Variants in AP3B1 observed in about 807,000 individuals in gnomAD.
AP3B1 encodes AP-3 complex subunit beta-1.
Under a neutral mutation model 132.5 loss-of-function variants are expected in AP3B1, and 61 were observed. That is an observed-to-expected ratio of 0.46 (90% confidence interval 0.37 to 0.57). The LOEUF (loss-of-function observed/expected upper bound fraction) is 0.57. Ranked by LOEUF, AP3B1 falls within the 20% of genes least tolerant of loss-of-function variation. The probability of loss-of-function intolerance (pLI) is 0.00; values close to 1 mark genes in which losing one functional copy is unlikely to be tolerated. For missense variants in AP3B1, 1,120 were observed against 1,289.4 expected (o/e 0.87, Z 2.01); for synonymous variants, 388 against 438.3 (o/e 0.89, Z 1.43).
At chr5:78,247,326 A>G (rs1747420565) in intron 2 of AP3B1, among the ~76,000 whole-genome samples, 1 of 149,558 alleles carries the variant, frequency 6.7e-6, no homozygotes, top group African/African-American at 2.4e-5. Context: ...AAAAGAATGT[A>G]TATTTCGCTA....
intron 2 of AP3B1, among the ~76,000 whole-genome samples, chr5:78,247,553 G>A (rs187945859): frequency 6.6e-6 from 1 of 151,168 alleles, no homozygotes; most frequent in Non-Finnish European, 1.5e-5. Flanking sequence ...TTAGACACAT[G>A]TAAGATTATT....
At chr5:78,222,430 T>G in intron 6 of AP3B1, 1 of 152,676 alleles carries the variant, frequency 6.5e-6, no homozygotes, top group East Asian at 1.9e-4. Context: ...GGAAGCAGTT[T>G]AGGCAGAAGA....
At chr5:78,127,444 T>C (rs991856295) in intron 17 of AP3B1, among the ~76,000 whole-genome samples, 1 of 152,194 alleles carries the variant, frequency 6.6e-6, no homozygotes, top group African/African-American at 2.4e-5. Flanking sequence ...TTTATCTCAA[T>C]GGCCAGCATT....
chr5:78,211,147 C>T (rs978174505), intron 7 of AP3B1, among the ~76,000 whole-genome samples: 16 of 152,070 alleles, frequency 1.1e-4, no homozygotes, highest in South Asian at 4.1e-4. Flanking sequence ...CCTATAAATA[C>T]GCCGTTATTT....
intron 22 of AP3B1, among the ~76,000 whole-genome samples, chr5:78,082,930 C>T (rs1267133568): frequency 3.3e-5 from 5 of 151,960 alleles, no homozygotes; most frequent in African/African-American, 4.8e-5. Context: ...ATTCTCCTGT[C>T]TCAGCCTCCC....
chr5:78,222,495 G>A (rs1051894840), intron 6 of AP3B1: 4 of 152,148 alleles, frequency 2.6e-5, no homozygotes, highest in Admixed American at 6.6e-5. Context: ...CCTGCTAGTG[G>A]TTAGAACAAT....
intron 15 of AP3B1, among the ~76,000 whole-genome samples, chr5:78,137,910 T>C (rs985361399): frequency 6.6e-5 from 10 of 152,090 alleles, no homozygotes; most frequent in Admixed American, 6.5e-4. Flanking sequence ...TCAATAAAAA[T>C]TATAGAAATG....
intron 22 of AP3B1, among the ~76,000 whole-genome samples, chr5:78,055,389 C>CGTCT (rs1479874156): frequency 2.0e-5 from 3 of 152,178 alleles, no homozygotes; most frequent in Non-Finnish European, 4.4e-5. Context: ...AGTTAGAAGA[C>CGTCT]CTTCAAGCTA....
intron 17 of AP3B1, chr5:78,121,657 T>C (rs1317472536): frequency 6.6e-6 from 1 of 152,194 alleles, no homozygotes; most frequent in Non-Finnish European, 1.5e-5. Context: ...AGAAGTTGAA[T>C]CTCTGAATAG....
chr5:78,136,954 T>C (rs1289218290), intron 15 of AP3B1, among the ~76,000 whole-genome samples: 1 of 152,160 alleles, frequency 6.6e-6, no homozygotes, highest in Non-Finnish European at 1.5e-5. Context: ...TTGTCCAAAA[T>C]CATGTAAGTG....
chr5:78,228,332 A>G, intron 3 of AP3B1, 93 bp from the exon 4 acceptor site: 3 of 774,716 alleles, frequency 3.9e-6, no homozygotes, highest in Admixed American at 4.5e-5. Context: ...CTTCTCAAGT[A>G]AATAACTGAA....
At chr5:78,192,807 A>C (rs1213249520) in intron 7 of AP3B1, among the ~76,000 whole-genome samples, 1 of 152,200 alleles carries the variant, frequency 6.6e-6, no homozygotes, top group South Asian at 2.1e-4. Flanking sequence ...TTTTTCCATC[A>C]TGTGAAGAAG....
At chr5:78,015,681 G>T in intron 25 of AP3B1, 133 bp from the exon 26 acceptor site, 2 of 846,002 alleles carry the variant, frequency 2.4e-6, no homozygotes, top group Admixed American at 2.6e-5. Flanking sequence ...TAATTTACAA[G>T]ATAATTATAA....
chr5:78,156,445 T>A, intron 13 of AP3B1, 78 bp from the exon 14 acceptor site: 1 of 1,076,984 alleles, frequency 9.3e-7, no homozygotes, highest in Non-Finnish European at 1.4e-6. Context: ...AATGTAAACT[T>A]AAATTAGAAA....
chr5:78,036,122 TAGC>T (rs1304580100), intron 23 of AP3B1, among the ~76,000 whole-genome samples: 2 of 152,136 alleles, frequency 1.3e-5, no homozygotes, highest in African/African-American at 4.8e-5. Flanking sequence ...GCCTTGTTGA[TAGC>T]ACTCTTTGAC....
chr5:78,164,834 T>C (rs946785238), intron 12 of AP3B1, among the ~76,000 whole-genome samples: 3 of 152,090 alleles, frequency 2.0e-5, no homozygotes, highest in African/African-American at 7.2e-5. Context: ...AGAAATTTAA[T>C]ATTGGCATAT....
chr5:78,127,681 A>G (rs1428746264), intron 17 of AP3B1, among the ~76,000 whole-genome samples: 1 of 152,164 alleles, frequency 6.6e-6, no homozygotes, highest in Non-Finnish European at 1.5e-5. Flanking sequence ...ATTGTCAGGA[A>G]GCTTACAAAT....
At chr5:78,291,781 A>G (rs1257522715) in intron 1 of AP3B1, among the ~76,000 whole-genome samples, 2 of 152,146 alleles carry the variant, frequency 1.3e-5, no homozygotes, top group African/African-American at 4.8e-5. Flanking sequence ...GTACTTGAGG[A>G]AAAAAATGCT....
intron 22 of AP3B1, among the ~76,000 whole-genome samples, chr5:78,058,202 C>T (rs948560749): frequency 1.3e-5 from 2 of 152,086 alleles, no homozygotes; most frequent in Non-Finnish European, 2.9e-5. Context: ...AAATGTTTCA[C>T]TGAGAAGTGC....
Sources: gnomAD v4.1 joint callset for allele counts (sites outside exome capture counted in the v4.1 genomes callset) on GRCh38, gnomAD v4.1.1 for gene constraint, MANE v1.5 for transcripts, NCBI Gene and HGNC (gene_info 2026-07-23, HGNC 2026-07-21) for gene names.